SMARCA4: variants seen among roughly 807,000 people sequenced by gnomAD.
The protein encoded by SMARCA4 is SWI/SNF related BAF chromatin remodeling complex subunit ATPase 4, also known as SWI/SNF-related matrix-associated actin-dependent regulator of chromatin subfamily A member 4.
A neutral mutation model predicts 193.9 loss-of-function variants in SMARCA4; 31 were observed. The observed-to-expected ratio is 0.16, with a 90% CI of 0.12 to 0.22. SMARCA4 has a LOEUF of 0.22. Among genes scored for constraint, SMARCA4 ranks in the 10% least tolerant of loss-of-function variants. The pLI, the probability that SMARCA4 is intolerant of heterozygous loss-of-function variation, is 1.00. For synonymous variants in SMARCA4, 942 were observed against 933.1 expected (o/e 1.01, Z -0.17); for missense variants, 1,148 against 2,296.0 (o/e 0.50, Z 10.22).
At chr19:11,046,492 A>T (rs993596021) in intron 30 of SMARCA4, among the ~76,000 whole-genome samples, 6 of 152,166 alleles carry the variant, frequency 3.9e-5, no homozygotes, top group Non-Finnish European at 8.8e-5. Context: ...CGCCCATTGG[A>T]CTGGGAGTAA....
chr19:10,998,637 G>C (rs1194669932), intron 11 of SMARCA4, among the ~76,000 whole-genome samples: 2 of 151,692 alleles, frequency 1.3e-5, no homozygotes, highest in African/African-American at 4.8e-5. Flanking sequence ...GGTCCTGTTA[G>C]TCCTGTGGCC....
At chr19:10,997,193 T>TTA (rs2087149218) in intron 11 of SMARCA4, among the ~76,000 whole-genome samples, 1 of 151,414 alleles carries the variant, frequency 6.6e-6, no homozygotes, top group Admixed American at 6.6e-5. Context: ...TTAATTTTAT[T>TTA]TTTATTTATT....
chr19:11,023,145 C>T (rs944955475), intron 19 of SMARCA4, among the ~76,000 whole-genome samples: 1 of 152,210 alleles, frequency 6.6e-6, no homozygotes, highest in African/African-American at 2.4e-5. Context: ...AGCCTGGCCC[C>T]TGCAGCGCTC....
chr19:11,044,063 A>G (rs1026054224), intron 30 of SMARCA4, among the ~76,000 whole-genome samples: 6 of 152,162 alleles, frequency 3.9e-5, no homozygotes, highest in Admixed American at 6.6e-5. Flanking sequence ...TCTAATGATA[A>G]TCTTGTGAGG....
At chr19:11,008,699 C>T (rs1048791080) in intron 14 of SMARCA4, among the ~76,000 whole-genome samples, 8 of 152,154 alleles carry the variant, frequency 5.3e-5, no homozygotes, top group South Asian at 2.1e-4. Context: ...GAGGGCTGGG[C>T]GTGGTGGCTC....
Position 10,986,701 on chromosome 19 carries a change from G to T in SMARCA4, c.760+108G>T, listed in dbSNP as rs1449809036. Reference sequence around the variant, plus strand: ...TTGCCGACTGGGTTCCCCGGTTTGGGATTGCACGGGCCCATACTGCACTTC... The same window carrying T: ...TTGCCGACTGGGTTCCCCGGTTTGGTATTGCACGGGCCCATACTGCACTTC... On this transcript the variant is annotated intron_variant, in intron 4 of 34. Transcript: ENST00000344626. The surrounding 1 kb of genome is among the most constrained non-coding windows in gnomAD (Gnocchi z 6.7). The T allele has an allele frequency of 1.7e-5, 25 of 1,481,928 alleles. No individual in the cohort carries two copies. The highest frequency in any genetic ancestry group is 2.3e-5 in the Non-Finnish European group (25 of 1,101,552). 91.8% of individuals were successfully genotyped at this position (1,481,928 alleles called of 1,614,324 possible).
chr19:11,046,720 G>A (rs2075944116), intron 30 of SMARCA4, among the ~76,000 whole-genome samples: 1 of 152,186 alleles, frequency 6.6e-6, no homozygotes, highest in African/African-American at 2.4e-5. Context: ...TTGTAAGGCT[G>A]TGAGGCTTGT....
chr19:11,047,857 C>G (rs2076034491), intron 30 of SMARCA4: 1 of 152,216 alleles, frequency 6.6e-6, no homozygotes, highest in African/African-American at 2.4e-5. Flanking sequence ...CCCACGTAAA[C>G]AAAGACAGCC....
Position 10,989,457 on chromosome 19 carries a change from T to C in SMARCA4, c.1245+14T>C. On this transcript the variant is annotated intron_variant, in intron 7 of 34. Coordinates refer to ENST00000344626, the MANE Select transcript of SMARCA4 (RefSeq NM_003072.5). ...TTCCAGAGGCAGGTGGGTGCTGGCA[T>C]GGCCGCAGCTTTCCGAAAAGGGCCT... is the stretch of plus-strand genomic sequence containing the variant. The C allele has an allele frequency of 6.2e-7, 1 of 1,613,794 alleles. No individual in the cohort carries two copies. The highest frequency in any genetic ancestry group is 8.5e-7 in the Non-Finnish European group (1 of 1,179,888).
Position 10,987,867 on chromosome 19 carries a change from C to G in SMARCA4, c.1061C>G (p.Pro354Arg). Reference sequence around the variant, plus strand: ...CACCAGAAGCAGAGCCGCATCACCCCCATCCAGAAGCCGCGGGGCCTCGAC... The same window carrying G: ...CACCAGAAGCAGAGCCGCATCACCCGCATCCAGAAGCCGCGGGGCCTCGAC... The part of the protein sequence containing the change: ...PLHQKQSRIT[P>R]IQKPRGLDPV... The change falls in exon 6 of 35, where the codon CCC (proline) becomes CGC (arginine). Residue 354 changes from proline (P) to arginine (R), a missense_variant. By Grantham distance (103) the Pro-to-Arg change is moderately radical. Coordinates refer to ENST00000344626, the MANE Select transcript of SMARCA4 (RefSeq NM_003072.5). This position sits in a 1 kb window ranked among gnomAD's most constrained non-coding sequence, Gnocchi z 5.3. The G allele has an allele frequency of 6.2e-7, 1 of 1,612,962 alleles. No individual in the cohort carries two copies. The highest frequency in any genetic ancestry group is 8.5e-7 in the Non-Finnish European group (1 of 1,179,872).
At chr19:11,026,473 G>T in intron 23 of SMARCA4, 127 bp downstream of exon 23, 3 of 652,544 alleles carry the variant, frequency 4.6e-6, no homozygotes, top group Non-Finnish European at 8.5e-6. Flanking sequence ...AAATACAGAA[G>T]AATCCAAAGC....
rs1021610405 is a variant in SMARCA4 at position 10,986,515 on chromosome 19, A to G, written c.682A>G (p.Thr228Ala). The G allele has an allele frequency of 1.9e-6, 3 of 1,544,878 alleles. No homozygotes were observed. Among genetic ancestry groups the G allele is most frequent in the Admixed American group, 2.0e-5 (1 of 50,964 alleles). Residue 228 changes from threonine (T) to alanine (A), a missense_variant, in exon 4 of 35, where the codon ACA (threonine) becomes GCA (alanine). By Grantham distance (58) the Thr-to-Ala change is moderately conservative. Transcript: ENST00000344626. This position sits in a 1 kb window ranked among gnomAD's most constrained non-coding sequence, Gnocchi z 6.7. Reference protein sequence around the residue: ...PTLPPPSVSATGPGPGPGPGP... With the variant: ...PTLPPPSVSAAGPGPGPGPGP... ...GCTACCTCCACCCTCGGTGTCCGCA[A>G]CAGGACCCGGCCCTGGCCCTGGCCC...
chr19:10,991,359 C>T (rs2145884852), intron 8 of SMARCA4, 36 bp downstream of exon 8: 1 of 1,560,238 alleles, frequency 6.4e-7, no homozygotes. Flanking sequence ...TGCAGCCCGC[C>T]CACCTGGCTG....
chr19:10,986,523 CGGCCCTGGCCCT>C lies in SMARCA4; in HGVS notation c.702_713del (p.Gly241_Pro244del), dbSNP rs372601826. 64 of 1,543,408 alleles carry C rather than the reference CGGCCCTGGCCCT, an allele frequency of 4.1e-5. No homozygotes were observed. Among genetic ancestry groups the C allele is most frequent in the Middle Eastern group, 3.3e-4 (2 of 6,010 alleles). ...CACCCTCGGTGTCCGCAACAGGACC[CGGCCCTGGCCCT>C]GGCCCTGGCCCCGGCCCGGGTCCCG... On this transcript the variant is annotated inframe_deletion, in exon 4 of 35. Coordinates refer to ENST00000344626, the MANE Select transcript of SMARCA4 (RefSeq NM_003072.5). This position sits in a 1 kb window ranked among gnomAD's most constrained non-coding sequence, Gnocchi z 6.7.
Position 10,986,980 on chromosome 19 carries a change from G to C in SMARCA4, c.836G>C (p.Gly279Ala). 6.2e-7 allele frequency: 1 copy of C among 1,606,942 alleles called. No homozygotes were observed. The highest frequency in any genetic ancestry group is 8.5e-7 in the Non-Finnish European group (1 of 1,179,758). ...GGGATGCCAGGCCAGCCTCCTGGAGGGCCTCCCAAGCCCTGGCCTGAAGGT... is the reference window on the plus strand; with the variant it reads ...GGGATGCCAGGCCAGCCTCCTGGAGCGCCTCCCAAGCCCTGGCCTGAAGGT... ...PPGMPGQPPG[G>A]PPKPWPEGPM... is the part of the protein sequence containing the mutation. Residue 279 changes from glycine to alanine, a missense_variant, in exon 5 of 35, where the codon GGG (glycine) becomes GCG (alanine). By Grantham distance (60) the Gly-to-Ala change is moderately conservative. Around this residue, in one of 17 missense-constraint regions of SMARCA4, gnomAD observed 257 missense variants for 276.5 expected, o/e 0.93. Coordinates refer to ENST00000344626, the MANE Select transcript of SMARCA4 (RefSeq NM_003072.5). The surrounding 1 kb of genome is among the most constrained non-coding windows in gnomAD (Gnocchi z 6.7).
chr19:10,979,678 A>G lies in SMARCA4; in HGVS notation c.-31-4443A>G, dbSNP rs144630343. Among the ~76,000 whole-genome samples the G allele has an allele frequency of 5.9e-3, 881 of 150,166 alleles. 29 individuals carry two copies. Among genetic ancestry groups the G allele is most frequent in the Admixed American group, 0.053 (796 of 14,992 alleles). On this transcript the variant is annotated intron_variant, in intron 1 of 34. Coordinates refer to ENST00000344626, the MANE Select transcript of SMARCA4 (RefSeq NM_003072.5). Reference sequence around the variant, plus strand: ...CACTGCCCCCAACATTATATTATTTATATGTTACATATATTATATGTTATA... The same window carrying G: ...CACTGCCCCCAACATTATATTATTTGTATGTTACATATATTATATGTTATA...
intron 11 of SMARCA4, among the ~76,000 whole-genome samples, chr19:10,996,788 G>A (rs780531681): frequency 2.0e-5 from 3 of 152,046 alleles, no homozygotes; most frequent in Non-Finnish European, 2.9e-5. Context: ...TTGTTGTAAC[G>A]TCCGACTTAC....
chr19:10,976,698 G>A (rs1190302703), intron 1 of SMARCA4, among the ~76,000 whole-genome samples: 2 of 151,244 alleles, frequency 1.3e-5, no homozygotes, highest in African/African-American at 4.9e-5. Flanking sequence ...TCAAGGCTGT[G>A]AGCTGTGATG....
intron 1 of SMARCA4, 44 bp downstream of exon 1, chr19:10,961,218 G>C (rs563656614): frequency 6.7e-6 from 1 of 149,406 alleles, no homozygotes; most frequent in Non-Finnish European, 1.5e-5. Flanking sequence ...CGGGGCCGGG[G>C]AGGGCGGTTT....
Sources: allele counts gnomAD v4.1 joint callset (sites outside exome capture counted in the v4.1 genomes callset), GRCh38; gene constraint gnomAD v4.1.1; regional missense constraint gnomAD v4.1.1; non-coding constraint Gnocchi (gnomAD v3.1); transcripts MANE v1.5; gene names NCBI Gene and HGNC (gene_info 2026-07-23, HGNC 2026-07-21).